Variants in RIMS2 observed in about 807,000 individuals in gnomAD.
RIMS2 encodes regulating synaptic membrane exocytosis protein 2.
RIMS2 carries 59 observed loss-of-function variants against 174.4 expected under a neutral mutation model. The ratio of observed to expected loss-of-function variants is 0.34; its 90% confidence interval spans 0.27 to 0.42. The LOEUF (loss-of-function observed/expected upper bound fraction) is 0.42. Among genes scored for constraint, RIMS2 ranks in the 10% least tolerant of loss-of-function variants. RIMS2 has a pLI of 1.00. For missense variants in RIMS2, 1,620 were observed against 1,666.3 expected (o/e 0.97, Z 0.48); for synonymous variants, 606 against 572.5 (o/e 1.06, Z -0.84).
chr8:103,609,576 ATAG>A (rs538709941), intron 1 of RIMS2, among the ~76,000 whole-genome samples: 31 of 152,176 alleles, frequency 2.0e-4, no homozygotes, highest in Non-Finnish European at 3.7e-4. Context: ...TGCAAACACT[ATAG>A]TCAGTTATCC....
chr8:103,722,702 C>T (rs951707706), intron 2 of RIMS2, among the ~76,000 whole-genome samples: 2 of 152,146 alleles, frequency 1.3e-5, no homozygotes, highest in South Asian at 2.1e-4. Context: ...GACTGGTACT[C>T]CTGATCTGTT....
At chr8:103,756,989 G>GTGTC (rs2098023881) in intron 2 of RIMS2, among the ~76,000 whole-genome samples, 1 of 134,566 alleles carries the variant, frequency 7.4e-6, no homozygotes, top group Non-Finnish European at 1.6e-5. Flanking sequence ...CTGTGTGTGT[G>GTGTC]TGTGTGTGTG....
At chr8:104,024,136 G>T (rs2096186637) in intron 19 of RIMS2, among the ~76,000 whole-genome samples, 1 of 152,106 alleles carries the variant, frequency 6.6e-6, no homozygotes, top group Non-Finnish European at 1.5e-5. Flanking sequence ...AGAGCCGTGA[G>T]GAGAGGTCAA....
At chr8:103,925,543 G>T (rs1310111985) in intron 10 of RIMS2, among the ~76,000 whole-genome samples, 1 of 151,534 alleles carries the variant, frequency 6.6e-6, no homozygotes, top group Non-Finnish European at 1.5e-5. Flanking sequence ...AGTGGAAAGT[G>T]ACATTAAAAA....
At chr8:103,959,292 A>G (rs1483184574) in intron 14 of RIMS2, among the ~76,000 whole-genome samples, 2 of 152,122 alleles carry the variant, frequency 1.3e-5, no homozygotes, top group Non-Finnish European at 2.9e-5. Flanking sequence ...ATGTATATGG[A>G]TTATTATTTT....
At chr8:104,165,025 A>G (rs887598769) in intron 19 of RIMS2, among the ~76,000 whole-genome samples, 1 of 152,184 alleles carries the variant, frequency 6.6e-6, no homozygotes. Context: ...TATGTTTGAA[A>G]GTTCACTTCT....
At chr8:103,796,677 A>G (rs1229820720) in intron 3 of RIMS2, among the ~76,000 whole-genome samples, 1 of 152,218 alleles carries the variant, frequency 6.6e-6, no homozygotes, top group Non-Finnish European at 1.5e-5. Context: ...TGTGAATTCA[A>G]CAAATATTTA....
At chr8:103,857,558 A>G (rs1368325283) in intron 3 of RIMS2, among the ~76,000 whole-genome samples, 9 of 152,150 alleles carry the variant, frequency 5.9e-5, no homozygotes, top group African/African-American at 2.2e-4. Context: ...ATGTATATGC[A>G]GTTGTGTGTA....
chr8:103,937,345 T>C (rs2081504427), intron 13 of RIMS2, among the ~76,000 whole-genome samples: 1 of 152,202 alleles, frequency 6.6e-6, no homozygotes, highest in Non-Finnish European at 1.5e-5. Context: ...CTTTGTTTTA[T>C]AGTGATATGT....
At chr8:104,004,079 T>G (rs1355591282) in intron 17 of RIMS2, among the ~76,000 whole-genome samples, 1 of 152,122 alleles carries the variant, frequency 6.6e-6, no homozygotes, top group Non-Finnish European at 1.5e-5. Context: ...AGGGGAGGAA[T>G]CAGTTTAGGT....
chr8:103,587,662 A>G (rs772413978), intron 1 of RIMS2, among the ~76,000 whole-genome samples: 46 of 152,098 alleles, frequency 3.0e-4, no homozygotes, highest in Non-Finnish European at 2.4e-4. Context: ...GATAAAAACC[A>G]TATGATCATT....
intron 1 of RIMS2, among the ~76,000 whole-genome samples, chr8:103,543,149 A>G (rs1020247508): frequency 6.6e-6 from 1 of 152,166 alleles, no homozygotes; most frequent in Non-Finnish European, 1.5e-5. Flanking sequence ...AACTGCTAAA[A>G]CTAAGAAATG....
chr8:103,697,117 G>C, exon 2 of RIMS2: 1 of 1,613,468 alleles, frequency 6.2e-7, no homozygotes, highest in Non-Finnish European at 8.5e-7. Flanking sequence ...AATGTATAAA[G>C]AGCAGGTAAA....
chr8:103,866,874 T>G (rs973984904), intron 3 of RIMS2, among the ~76,000 whole-genome samples: 1 of 151,994 alleles, frequency 6.6e-6, no homozygotes, highest in Non-Finnish European at 1.5e-5. Context: ...TTTATTTTAT[T>G]TTTTGCATTT....
At chr8:103,615,579 C>A (rs1332216722) in intron 1 of RIMS2, among the ~76,000 whole-genome samples, 1 of 151,978 alleles carries the variant, frequency 6.6e-6, no homozygotes, top group Non-Finnish European at 1.5e-5. Context: ...TTCAAAAGAT[C>A]AACAAATTCA....
chr8:103,643,084 G>A (rs988964253), intron 1 of RIMS2, among the ~76,000 whole-genome samples: 1 of 151,584 alleles, frequency 6.6e-6, no homozygotes, highest in African/African-American at 2.4e-5. Context: ...TGAATATGCT[G>A]TTCCATCTTT....
intron 16 of RIMS2, among the ~76,000 whole-genome samples, chr8:103,985,320 A>C (rs923112477): frequency 6.6e-6 from 1 of 151,856 alleles, no homozygotes; most frequent in African/African-American, 2.4e-5. Flanking sequence ...CTAAAAATAC[A>C]AAAATTAGCC....
In RIMS2 at chr8:104,094,435, G is replaced by A. The variant is rs1420812794; in HGVS notation, c.3334+79820G>A. ...TGTTTTTTCTTGACTTTCTTTTTTT[G>A]TGTGTTTATTTGCATGCCTTCAATT... On this transcript the variant is annotated intron_variant, in intron 19 of 23. Transcript: ENST00000504942. 8.8e-6 allele frequency: 5 copies of A among 568,530 alleles called. No individual in the cohort carries two copies. The Admixed American group carries it at 9.6e-5, about 11-fold the overall frequency. 35.2% of individuals were successfully genotyped at this position (568,530 alleles called of 1,614,324 possible).
At chr8:103,638,124 T>C (rs1034298185) in intron 1 of RIMS2, among the ~76,000 whole-genome samples, 2 of 152,068 alleles carry the variant, frequency 1.3e-5, no homozygotes, top group Non-Finnish European at 2.9e-5. Context: ...TGTAAAGTTA[T>C]AATTGTTTCT....
Sources: allele counts gnomAD v4.1 joint callset (sites outside exome capture counted in the v4.1 genomes callset), GRCh38; gene constraint gnomAD v4.1.1; transcripts MANE v1.5; gene names NCBI Gene and HGNC (gene_info 2026-07-23, HGNC 2026-07-21).